Variants in FBN1 observed in about 807,000 individuals in gnomAD.
The protein encoded by FBN1 is fibrillin-1.
Under a neutral mutation model 365.1 loss-of-function variants are expected in FBN1, and 29 were observed. The observed-to-expected ratio is 0.08, with a 90% CI of 0.06 to 0.11. The LOEUF is 0.11. Ranked by LOEUF, FBN1 falls within the 10% of genes least tolerant of loss-of-function variation. The pLI, the probability that FBN1 is intolerant of heterozygous loss-of-function variation, is 1.00. For synonymous variants in FBN1, 1,210 were observed against 1,270.5 expected (o/e 0.95, Z 1.01); for missense variants, 2,476 against 3,703.2 (o/e 0.67, Z 8.60).
At chr15:48,476,670 G>C (rs369235234) in intron 32 of FBN1, 1 of 148,408 alleles carries the variant, frequency 6.7e-6, no homozygotes, top group African/African-American at 2.5e-5. Flanking sequence ...GAGTGCAATG[G>C]TGCGATCTCG....
chr15:48,550,630 T>C (rs1319882751), intron 6 of FBN1, among the ~76,000 whole-genome samples: 1 of 152,182 alleles, frequency 6.6e-6, no homozygotes, highest in Non-Finnish European at 1.5e-5. Flanking sequence ...CTTCCCTAAA[T>C]GCCTTCCCCC....
At chr15:48,613,919 C>A (rs1178614206) in intron 2 of FBN1, among the ~76,000 whole-genome samples, 2 of 152,004 alleles carry the variant, frequency 1.3e-5, no homozygotes, top group Admixed American at 1.3e-4. Flanking sequence ...CAGAGTGAGA[C>A]TCTGTCTCCA....
At chr15:48,644,151 T>C (rs543291961) in intron 2 of FBN1, 11 of 176,840 alleles carry the variant, frequency 6.2e-5, no homozygotes, top group Admixed American at 2.2e-4. Flanking sequence ...AAGAGTCAAC[T>C]ACTGTGTGAT....
chr15:48,462,807 T>G (rs2043289369), intron 42 of FBN1, among the ~76,000 whole-genome samples: 1 of 152,252 alleles, frequency 6.6e-6, no homozygotes, highest in African/African-American at 2.4e-5. Flanking sequence ...AAGAATTCAG[T>G]AACAATGAGA....
At position 48,463,906 on chromosome 15, in the gene FBN1, A is replaced by G. The variant is rs1415350107; in HGVS notation, c.5058T>C (p.Asn1686=). Residue 1686 remains asparagine (N), a synonymous_variant, in exon 41 of 66, where the codon AAT becomes AAC. Coordinates refer to ENST00000316623, the MANE Select transcript of FBN1 (RefSeq NM_000138.5). ...PDYMQVNGGN[N]CMDMRRSLCY... is the part of the protein sequence containing the mutation. ...AGAAAAGCTTGGACTTACCCATGCA[A>G]TTATTTCCCCCATTCACTTGCATGT... 6.2e-7 allele frequency: 1 copy of G among 1,612,894 alleles called. No individual in the cohort carries two copies. Among genetic ancestry groups the G allele is most frequent in the Admixed American group, 1.7e-5 (1 of 59,938 alleles).
chr15:48,586,616 G>GTA (rs1327637607), intron 6 of FBN1, among the ~76,000 whole-genome samples: 2 of 152,142 alleles, frequency 1.3e-5, no homozygotes, highest in African/African-American at 4.8e-5. Flanking sequence ...ATTCTTTAAA[G>GTA]TATTTGAGAA....
At chr15:48,612,671 C>T (rs570689701) in intron 3 of FBN1, among the ~76,000 whole-genome samples, 3 of 152,162 alleles carry the variant, frequency 2.0e-5, no homozygotes, top group South Asian at 2.1e-4. Context: ...TGGTAAGGCC[C>T]GTGAGTGGCC....
At chr15:48,527,802 A>C (rs2043927048) in intron 8 of FBN1, among the ~76,000 whole-genome samples, 1 of 152,246 alleles carries the variant, frequency 6.6e-6, no homozygotes, top group African/African-American at 2.4e-5. Context: ...GCTAACATAA[A>C]CAGCACTGTC....
chr15:48,607,527 T>TAAA (rs11417261), intron 4 of FBN1, among the ~76,000 whole-genome samples: 31,173 of 146,256 alleles, frequency 0.21, 3,352 homozygotes, highest in Middle Eastern at 0.25. Context: ...AGTATCCTTA[T>TAAA]AAAAAAAAAA....
intron 2 of FBN1, among the ~76,000 whole-genome samples, chr15:48,636,929 C>G (rs567752796): frequency 6.6e-6 from 1 of 152,346 alleles, no homozygotes; most frequent in African/African-American, 2.4e-5. Flanking sequence ...CTCAAACACT[C>G]ACAAATGAAA....
chr15:48,560,429 T>A (rs915939398), intron 6 of FBN1, among the ~76,000 whole-genome samples: 1 of 152,174 alleles, frequency 6.6e-6, no homozygotes, highest in Non-Finnish European at 1.5e-5. Flanking sequence ...ACGTAACAAA[T>A]GCTTGCCTTA....
intron 6 of FBN1, among the ~76,000 whole-genome samples, chr15:48,545,633 TGC>T (rs2044088288): frequency 6.6e-6 from 1 of 152,096 alleles, no homozygotes; most frequent in Admixed American, 6.6e-5. Flanking sequence ...GGTGACAAGG[TGC>T]ACAACAATGT....
At chr15:48,555,687 T>C (rs1389151739) in intron 6 of FBN1, among the ~76,000 whole-genome samples, 3 of 152,120 alleles carry the variant, frequency 2.0e-5, no homozygotes, top group Non-Finnish European at 4.4e-5. Context: ...TATCCCCAAC[T>C]TCCTGGAATA....
chr15:48,608,232 T>G (rs945608193), intron 4 of FBN1, among the ~76,000 whole-genome samples: 2 of 152,196 alleles, frequency 1.3e-5, no homozygotes, highest in African/African-American at 4.8e-5. Flanking sequence ...GTGGGAAAAC[T>G]AAGCCTCTCT....
At chr15:48,446,289 G>C (rs911725768) in intron 47 of FBN1, among the ~76,000 whole-genome samples, 2 of 151,966 alleles carry the variant, frequency 1.3e-5, no homozygotes, top group Admixed American at 6.6e-5. Flanking sequence ...AATATTTTGA[G>C]AGAGAGAGAG....
intron 27 of FBN1, among the ~76,000 whole-genome samples, chr15:48,487,810 GAC>G: frequency 6.6e-6 from 1 of 152,218 alleles, no homozygotes; most frequent in Non-Finnish European, 1.5e-5. Context: ...GTGTTGGACA[GAC>G]ATCTTGTAAA....
chr15:48,417,768 C>T (rs1196731635), intron 63 of FBN1, among the ~76,000 whole-genome samples: 1 of 152,202 alleles, frequency 6.6e-6, no homozygotes, highest in East Asian at 1.9e-4. Context: ...GCACCAAGCT[C>T]CATGTCAAAC....
At chr15:48,522,824 C>G (rs1044428757) in intron 9 of FBN1, among the ~76,000 whole-genome samples, 1 of 152,132 alleles carries the variant, frequency 6.6e-6, no homozygotes, top group Non-Finnish European at 1.5e-5. Flanking sequence ...CCGAAAAGTA[C>G]TTAAAACCAC....
intron 5 of FBN1, among the ~76,000 whole-genome samples, chr15:48,599,150 T>TG (rs1469518648): frequency 7.2e-5 from 11 of 152,166 alleles, no homozygotes; most frequent in Admixed American, 7.2e-4. Flanking sequence ...CTAACACAGA[T>TG]GGTCACTAGG....
Sources: allele counts gnomAD v4.1 joint callset (sites outside exome capture counted in the v4.1 genomes callset), GRCh38; gene constraint gnomAD v4.1.1; transcripts MANE v1.5; gene names NCBI Gene and HGNC (gene_info 2026-07-23, HGNC 2026-07-21).